GRM8: variants seen among roughly 807,000 people sequenced by gnomAD.
GRM8 encodes glutamate metabotropic receptor 8, also known as metabotropic glutamate receptor 8.
In GRM8, 47 loss-of-function variants were observed where a neutral mutation model predicts 87.2. That is an observed-to-expected ratio of 0.54 (90% CI 0.43 to 0.69). The LOEUF (loss-of-function observed/expected upper bound fraction) is 0.69. Among genes scored for constraint, GRM8 ranks in the 30% least tolerant of loss-of-function variants. GRM8 has a pLI of 0.00. For synonymous variants in GRM8, 396 were observed against 404.5 expected (o/e 0.98, Z 0.25); for missense variants, 1,019 against 1,139.2 (o/e 0.89, Z 1.52).
chr7:126,607,418 T>C (rs895300615), intron 8 of GRM8, among the ~76,000 whole-genome samples: 2 of 152,040 alleles, frequency 1.3e-5, no homozygotes, highest in African/African-American at 4.8e-5. Context: ...TGGTGCTGCA[T>C]AGACATATCA....
intron 3 of GRM8, among the ~76,000 whole-genome samples, chr7:127,087,583 T>C (rs1320207844): frequency 6.6e-6 from 1 of 152,198 alleles, no homozygotes; most frequent in African/African-American, 2.4e-5. Flanking sequence ...GAATGATGGT[T>C]GCCAGGAACT....
intron 9 of GRM8, among the ~76,000 whole-genome samples, chr7:126,498,534 C>A (rs984736576): frequency 1.3e-5 from 2 of 151,960 alleles, no homozygotes; most frequent in Admixed American, 6.6e-5. Flanking sequence ...TCATAGACAA[C>A]TGAAAACGGC....
At chr7:126,969,846 G>T (rs1179291041) in intron 3 of GRM8, among the ~76,000 whole-genome samples, 1 of 152,122 alleles carries the variant, frequency 6.6e-6, no homozygotes. Context: ...TAAATAATGA[G>T]ACTTGAGAGG....
chr7:126,984,541 C>G (rs909102697), intron 3 of GRM8, among the ~76,000 whole-genome samples: 1 of 152,266 alleles, frequency 6.6e-6, no homozygotes, highest in South Asian at 2.1e-4. Context: ...CCCTTGAACA[C>G]CAGACTCCAA....
intron 3 of GRM8, among the ~76,000 whole-genome samples, chr7:126,969,614 C>G (rs574356811): frequency 3.0e-4 from 46 of 152,250 alleles, no homozygotes; most frequent in African/African-American, 1.1e-3. Flanking sequence ...GTTATTTCCT[C>G]TACTACAGTC....
chr7:126,442,017 T>C (rs909393059), intron 10 of GRM8, among the ~76,000 whole-genome samples: 1 of 145,002 alleles, frequency 6.9e-6, no homozygotes, highest in Non-Finnish European at 1.5e-5. Flanking sequence ...AAAAAAAAAA[T>C]CATTGGGCCA....
At chr7:127,135,527 G>A (rs17875100) in intron 2 of GRM8, among the ~76,000 whole-genome samples, 1,683 of 148,834 alleles carry the variant, frequency 0.011, 36 homozygotes, top group African/African-American at 0.038. Context: ...GGTGAGAAGA[G>A]GCTAGTTAGA....
intron 3 of GRM8, among the ~76,000 whole-genome samples, chr7:127,081,553 A>T (rs1212139719): frequency 1.3e-5 from 2 of 149,832 alleles, no homozygotes; most frequent in Admixed American, 6.6e-5. Flanking sequence ...ACTAACCTGG[A>T]ACCCGAAGTT....
chr7:126,966,161 G>A (rs1017921236), intron 3 of GRM8, among the ~76,000 whole-genome samples: 1 of 152,084 alleles, frequency 6.6e-6, no homozygotes, highest in African/African-American at 2.4e-5. Context: ...TTGAGGCAAA[G>A]TCTGGCTCTA....
chr7:126,778,675 C>CT (rs1346117953), intron 6 of GRM8, among the ~76,000 whole-genome samples: 1 of 151,916 alleles, frequency 6.6e-6, no homozygotes, highest in Non-Finnish European at 1.5e-5. Context: ...TAATGTTTCT[C>CT]TTTTTTAAGG....
At chr7:126,872,185 C>G (rs1156321587) in intron 6 of GRM8, among the ~76,000 whole-genome samples, 1 of 152,122 alleles carries the variant, frequency 6.6e-6, no homozygotes, top group Non-Finnish European at 1.5e-5. Flanking sequence ...AGGAGAACTT[C>G]AACTCTATGT....
At chr7:127,146,066 T>G (rs1309575014) in intron 2 of GRM8, among the ~76,000 whole-genome samples, 5 of 151,982 alleles carry the variant, frequency 3.3e-5, no homozygotes, top group Non-Finnish European at 5.9e-5. Context: ...GATACTAAGA[T>G]GAGCCACAGC....
chr7:127,076,233 T>A (rs942213034), intron 3 of GRM8: 7 of 456,472 alleles, frequency 1.5e-5, no homozygotes, highest in Non-Finnish European at 3.1e-5. Flanking sequence ...CAGGGATGGA[T>A]AACCTGAGGA....
chr7:126,852,478 T>C (rs1797299087), intron 6 of GRM8, among the ~76,000 whole-genome samples: 1 of 152,198 alleles, frequency 6.6e-6, no homozygotes, highest in Non-Finnish European at 1.5e-5. Flanking sequence ...TCGGTAATCA[T>C]TACCCTTCTC....
chr7:126,478,716 A>C (rs1287677097), intron 9 of GRM8, among the ~76,000 whole-genome samples: 1 of 152,080 alleles, frequency 6.6e-6, no homozygotes, highest in African/African-American at 2.4e-5. Flanking sequence ...AATCACTAGA[A>C]AGTATCAGGG....
intron 2 of GRM8, among the ~76,000 whole-genome samples, chr7:127,140,424 T>C (rs774563057): frequency 9.8e-5 from 15 of 152,302 alleles, no homozygotes; most frequent in South Asian, 2.1e-4. Flanking sequence ...ATCAATGGTC[T>C]TGAAAGGCAA....
intron 6 of GRM8, among the ~76,000 whole-genome samples, chr7:126,864,318 CCTT>C (rs1329716362): frequency 6.6e-6 from 1 of 151,496 alleles, no homozygotes; most frequent in African/African-American, 2.4e-5. Flanking sequence ...TATTGCCTCT[CCTT>C]CATTATTTCT....
intron 3 of GRM8, among the ~76,000 whole-genome samples, chr7:126,970,699 G>C (rs1416075149): frequency 6.6e-6 from 1 of 152,138 alleles, no homozygotes; most frequent in African/African-American, 2.4e-5. Flanking sequence ...CAATTTGGCT[G>C]TTTGGCATAA....
intron 2 of GRM8, among the ~76,000 whole-genome samples, chr7:127,176,729 C>T (rs1409549757): frequency 6.6e-6 from 1 of 152,196 alleles, no homozygotes; most frequent in Non-Finnish European, 1.5e-5. Context: ...AGTACCAGTC[C>T]AGACCCTCAA....
Sources: gnomAD v4.1 joint callset for allele counts (sites outside exome capture counted in the v4.1 genomes callset) on GRCh38, gnomAD v4.1.1 for gene constraint, MANE v1.5 for transcripts, NCBI Gene and HGNC (gene_info 2026-07-23, HGNC 2026-07-21) for gene names.